The following ITGA8 variants were observed in gnomAD, a reference collection of about 807,000 sequenced individuals.
The protein encoded by ITGA8 is integrin subunit alpha 8.
A neutral mutation model predicts 142.3 loss-of-function variants in ITGA8; 91 were observed. That is an observed-to-expected ratio of 0.64 (90% CI 0.54 to 0.76). The LOEUF is 0.76. Among genes scored for constraint, ITGA8 ranks in the 30% least tolerant of loss-of-function variants. ITGA8 has a pLI of 0.00. For missense variants in ITGA8, 1,406 were observed against 1,327.7 expected, an observed-to-expected ratio of 1.06 and a Z score of -0.92; for synonymous variants, 505 against 485.2, an observed-to-expected ratio of 1.04 and a Z score of -0.54.
At chr10:15,573,951 A>C (rs1834235767) in intron 24 of ITGA8, among the ~76,000 whole-genome samples, 2 of 151,702 alleles carry the variant, frequency 1.3e-5, no homozygotes, top group African/African-American at 4.8e-5. Flanking sequence ...ACCCTTTGCT[A>C]TATGTTGGTT....
At chr10:15,611,210 A>G (rs1833287556) in intron 15 of ITGA8, among the ~76,000 whole-genome samples, 1 of 152,210 alleles carries the variant, frequency 6.6e-6, no homozygotes, top group Non-Finnish European at 1.5e-5. Flanking sequence ...AAGAAAAAAG[A>G]GAATCAAAGA....
rs533922499 is a variant in ITGA8, at chr10:15,538,089, C to T, written c.2881-6938G>A. Among the ~76,000 whole-genome samples the T allele has an allele frequency of 9.9e-4, 151 of 152,194 alleles. 2 individuals carry two copies. Among genetic ancestry groups the T allele is most frequent in the African/African-American group, 3.4e-3 (140 of 41,500 alleles). Reference sequence around the variant, plus strand: ...GAGGCTGCAATGAGATGTGATTGCACCACTGCACTTCAACAGAGTAAGACC... The same window carrying T: ...GAGGCTGCAATGAGATGTGATTGCATCACTGCACTTCAACAGAGTAAGACC... On this transcript the variant is annotated intron_variant, in intron 27 of 29. Coordinates refer to ENST00000378076, the MANE Select transcript of ITGA8 (RefSeq NM_003638.3).
intron 11 of ITGA8, among the ~76,000 whole-genome samples, chr10:15,653,121 T>A (rs11253591): frequency 4.6e-5 from 7 of 152,148 alleles, no homozygotes; most frequent in Non-Finnish European, 7.3e-5. Context: ...TGAATATGCC[T>A]GGAGCTCCCA....
At chr10:15,705,254 G>T (rs548328872) in intron 2 of ITGA8, among the ~76,000 whole-genome samples, 1 of 152,270 alleles carries the variant, frequency 6.6e-6, no homozygotes, top group African/African-American at 2.4e-5. Flanking sequence ...TTGCCATTCT[G>T]CCACTACTCT....
intron 11 of ITGA8, among the ~76,000 whole-genome samples, chr10:15,649,164 G>C (rs951292531): frequency 2.0e-5 from 3 of 151,916 alleles, no homozygotes; most frequent in African/African-American, 4.8e-5. Context: ...GGTGCTAGGG[G>C]CATTCCAACT....
chr10:15,624,564 A>T (rs1272202160), intron 13 of ITGA8, among the ~76,000 whole-genome samples: 1 of 152,074 alleles, frequency 6.6e-6, no homozygotes, highest in African/African-American at 2.4e-5. Flanking sequence ...ACCAGACTGG[A>T]CTTCTTCCCA....
chr10:15,716,978 A>C (rs935407429), intron 2 of ITGA8, among the ~76,000 whole-genome samples: 44 of 152,192 alleles, frequency 2.9e-4, no homozygotes, highest in Non-Finnish European at 2.9e-5. Flanking sequence ...TTGTAATTTA[A>C]TATTGAAAAT....
At chr10:15,545,095 A>G (rs964481429) in intron 27 of ITGA8, among the ~76,000 whole-genome samples, 4 of 152,188 alleles carry the variant, frequency 2.6e-5, no homozygotes, top group Admixed American at 1.3e-4. Context: ...ATGAATGTCT[A>G]CGGTTTTAAG....
intron 2 of ITGA8, among the ~76,000 whole-genome samples, chr10:15,706,674 A>C (rs574379347): frequency 8.5e-5 from 13 of 152,250 alleles, no homozygotes; most frequent in Admixed American, 6.5e-5. Context: ...TCTTGGTGTC[A>C]AGTGGTCCTC....
intron 3 of ITGA8, among the ~76,000 whole-genome samples, chr10:15,686,996 A>G (rs1377873630): frequency 6.6e-6 from 1 of 152,182 alleles, no homozygotes; most frequent in Non-Finnish European, 1.5e-5. Flanking sequence ...CAATTCCCAT[A>G]AGGCATATAC....
At chr10:15,609,069 G>T (rs774888710) in intron 15 of ITGA8, among the ~76,000 whole-genome samples, 9 of 152,042 alleles carry the variant, frequency 5.9e-5, no homozygotes, top group Non-Finnish European at 1.3e-4. Context: ...GTTGTGCCTT[G>T]AACACACCAT....
intron 17 of ITGA8, among the ~76,000 whole-genome samples, chr10:15,607,289 A>G (rs146538032): frequency 7.9e-5 from 12 of 152,322 alleles, no homozygotes; most frequent in African/African-American, 2.9e-4. Flanking sequence ...ATGCCTAAAT[A>G]TTTTCCTGAA....
intron 13 of ITGA8, among the ~76,000 whole-genome samples, chr10:15,638,897 C>T (rs1401014780): frequency 2.0e-5 from 3 of 152,008 alleles, no homozygotes; most frequent in Admixed American, 6.6e-5. Flanking sequence ...GAGCCTGAGG[C>T]GGGAGGATCG....
chr10:15,588,227 T>A (rs1832865352), intron 22 of ITGA8, among the ~76,000 whole-genome samples: 1 of 152,198 alleles, frequency 6.6e-6, no homozygotes, highest in Admixed American at 6.5e-5. Flanking sequence ...GGCGGCAGAA[T>A]TGTTCCCATG....
intron 11 of ITGA8, among the ~76,000 whole-genome samples, chr10:15,653,787 A>C (rs1240874808): frequency 1.3e-5 from 2 of 151,380 alleles, no homozygotes; most frequent in Admixed American, 1.3e-4. Flanking sequence ...TCACTTAGCA[A>C]TATGCAGTTA....
intron 22 of ITGA8, among the ~76,000 whole-genome samples, chr10:15,591,776 G>A (rs1469550318): frequency 6.6e-6 from 1 of 152,196 alleles, no homozygotes; most frequent in Non-Finnish European, 1.5e-5. Flanking sequence ...TCCTGCCACA[G>A]TGCGCATAGG....
chr10:15,628,077 G>A (rs568339895), intron 13 of ITGA8, among the ~76,000 whole-genome samples: 1 of 151,922 alleles, frequency 6.6e-6, no homozygotes, highest in South Asian at 2.1e-4. Flanking sequence ...CCATGACAAC[G>A]TAAGAAAATT....
At chr10:15,584,217 A>G (rs1232584367) in intron 23 of ITGA8, among the ~76,000 whole-genome samples, 1 of 152,292 alleles carries the variant, frequency 6.6e-6, no homozygotes, top group East Asian at 1.9e-4. Context: ...GAATCACTCG[A>G]ACCCTGGAGG....
chr10:15,563,650 C>T (rs2131574665), intron 25 of ITGA8, among the ~76,000 whole-genome samples: 1 of 152,268 alleles, frequency 6.6e-6, no homozygotes, highest in Middle Eastern at 3.4e-3. Context: ...TGCGGTGGCT[C>T]ACGCCGGTAA....
Sources: allele counts gnomAD v4.1 joint callset (sites outside exome capture counted in the v4.1 genomes callset), GRCh38; gene constraint gnomAD v4.1.1; transcripts MANE v1.5; gene names NCBI Gene and HGNC (gene_info 2026-07-23, HGNC 2026-07-21).